DST: variants seen among roughly 807,000 people sequenced by gnomAD.
DST encodes the protein dystonin.
DST carries 253 observed loss-of-function variants against 875.2 expected under a neutral mutation model. The ratio of observed to expected loss-of-function variants is 0.29; its 90% confidence interval spans 0.26 to 0.32. DST has a LOEUF of 0.32. Ranked by LOEUF, DST falls within the 10% of genes least tolerant of loss-of-function variation. The probability of loss-of-function intolerance (pLI) is 1.00; values close to 1 mark genes in which losing one functional copy is unlikely to be tolerated. For synonymous variants in DST, 3,124 were observed against 3,197.1 expected (o/e 0.98, Z 0.77); for missense variants, 8,287 against 9,111.6 (o/e 0.91, Z 3.68).
intron 53 of DST, 54 bp from the exon 54 acceptor site, chr6:56,570,066 A>G: frequency 2.4e-6 from 3 of 1,241,624 alleles, no homozygotes; most frequent in Non-Finnish European, 3.4e-6. Context: ...GAATAAATAA[A>G]TTATTATTCT....
At chr6:56,564,612 A>C (rs374036758) in intron 55 of DST, among the ~76,000 whole-genome samples, 2 of 152,266 alleles carry the variant, frequency 1.3e-5, no homozygotes, top group African/African-American at 4.8e-5. Context: ...TACTATGCTG[A>C]ATAGGACTGG....
chr6:56,910,526 CCA>C (rs1798391341), intron 2 of DST, among the ~76,000 whole-genome samples: 1 of 151,400 alleles, frequency 6.6e-6, no homozygotes, highest in Non-Finnish European at 1.5e-5. Flanking sequence ...ACTCCAGCAC[CCA>C]GGCTGGAGTA....
chr6:56,543,542 A>T (rs1004615395), intron 61 of DST, among the ~76,000 whole-genome samples: 2 of 152,244 alleles, frequency 1.3e-5, no homozygotes, highest in Non-Finnish European at 2.9e-5. Flanking sequence ...ATACTGTTTG[A>T]AAATAAATTC....
At chr6:56,751,677 G>GA (rs2099587634) in intron 4 of DST, among the ~76,000 whole-genome samples, 1 of 152,066 alleles carries the variant, frequency 6.6e-6, no homozygotes, top group African/African-American at 2.4e-5. Flanking sequence ...ACCACCATGT[G>GA]GCCCATTACC....
intron 98 of DST, chr6:56,466,604 T>G (rs2094585534): frequency 6.5e-6 from 1 of 152,952 alleles, no homozygotes; most frequent in East Asian, 1.9e-4. Context: ...TTAATAAGCT[T>G]TGATTCTTCT....
intron 4 of DST, among the ~76,000 whole-genome samples, chr6:56,831,751 G>T (rs192221309): frequency 6.6e-6 from 1 of 151,740 alleles, no homozygotes; most frequent in Non-Finnish European, 1.5e-5. Flanking sequence ...TGCTTCTCCC[G>T]GTTCTAAATC....
At position 56,562,196 on chromosome 6, in the gene DST, T is replaced by C. The variant is rs2097545010; in HGVS notation, c.14010A>G (p.Gly4670=). 1 of 1,540,100 alleles carries C rather than the reference T, an allele frequency of 6.5e-7. No individual in the cohort carries two copies. Among genetic ancestry groups the C allele is most frequent in the East Asian group, 2.4e-5 (1 of 41,446 alleles). ...CTGTTCCTTCACCATTTAATACTGC[T>C]CCACCTGCAAAAATAGTAACACTAA... The part of the protein sequence containing the change: ...AKAIAAVKSG[G]AVLNGEGTAT... Residue 4670 remains glycine, a synonymous_variant, in exon 56 of 104, where the codon GGA becomes GGG. Transcript: ENST00000680361.
At chr6:56,742,714 C>G (rs2099551620) in intron 4 of DST, among the ~76,000 whole-genome samples, 1 of 152,102 alleles carries the variant, frequency 6.6e-6, no homozygotes, top group South Asian at 2.1e-4. Flanking sequence ...TCTTCTAACA[C>G]CCCAGGCAGA....
At chr6:56,901,972 T>G (rs556977000) in intron 2 of DST, among the ~76,000 whole-genome samples, 1 of 152,334 alleles carries the variant, frequency 6.6e-6, no homozygotes, top group East Asian at 1.9e-4. Flanking sequence ...GTTAAAGTAG[T>G]AGACTCTCAG....
chr6:56,523,770 A>T (rs2096747833), intron 69 of DST, among the ~76,000 whole-genome samples: 1 of 152,166 alleles, frequency 6.6e-6, no homozygotes, highest in East Asian at 1.9e-4. Context: ...TATAAATTTT[A>T]AAATTGTTAA....
In DST at chr6:56,515,559, G is replaced by A; in HGVS notation, c.18467C>T (p.Thr6156Ile). The change falls in exon 72 of 104, where the codon ACA (threonine) becomes ATA (isoleucine). Residue 6156 changes from threonine to isoleucine, a missense_variant. Physicochemically the swap from Thr to Ile is moderately conservative, Grantham distance 89. This residue lies in a region of DST where 1,292 missense variants were observed against 1,552.7 expected (regional missense o/e 0.83). Transcript: ENST00000680361. ...CAGCCATGGCCAAAGTTCTTCATATGTTTCCCAGAATTGGTTAACCAGGGA... is the reference window on the plus strand; with the variant it reads ...CAGCCATGGCCAAAGTTCTTCATATATTTCCCAGAATTGGTTAACCAGGGA... ...AQSLVNQFWE[T>I]YEELWPWLTE... The A allele has an allele frequency of 1.9e-6, 3 of 1,613,938 alleles. No homozygotes were observed. Among genetic ancestry groups the A allele is most frequent in the Non-Finnish European group, 2.5e-6 (3 of 1,179,840 alleles).
intron 49 of DST, among the ~76,000 whole-genome samples, chr6:56,579,291 A>C (rs1274111762): frequency 2.6e-5 from 4 of 152,210 alleles, no homozygotes; most frequent in African/African-American, 9.6e-5. Flanking sequence ...AACAAACAAC[A>C]ACCAAAATTT....
intron 4 of DST, among the ~76,000 whole-genome samples, chr6:56,813,710 C>G (rs1041190407): frequency 1.3e-5 from 2 of 152,120 alleles, no homozygotes; most frequent in African/African-American, 4.8e-5. Flanking sequence ...TGGATAATTG[C>G]TATAGCAAAG....
chr6:56,689,434 G>A (rs1345881950), intron 9 of DST, among the ~76,000 whole-genome samples: 2 of 152,152 alleles, frequency 1.3e-5, no homozygotes, highest in Non-Finnish European at 2.9e-5. Flanking sequence ...AAGCTAAGGT[G>A]ATGCTGATTC....
intron 4 of DST, among the ~76,000 whole-genome samples, chr6:56,783,764 ATTATGATG>A (rs2099699268): frequency 6.6e-6 from 1 of 152,160 alleles, no homozygotes; most frequent in Non-Finnish European, 1.5e-5. Flanking sequence ...TGATCCTGTC[ATTATGATG>A]TTAGCTGGTT....
intron 77 of DST, 93 bp downstream of exon 77, chr6:56,506,350 T>C (rs1489455278): frequency 3.1e-6 from 3 of 964,384 alleles, no homozygotes; most frequent in Non-Finnish European, 4.6e-6. Flanking sequence ...GCATATGCAC[T>C]GGCAGATCTT....
chr6:56,859,632 A>C (rs1167126019), intron 3 of DST, among the ~76,000 whole-genome samples: 1 of 152,226 alleles, frequency 6.6e-6, no homozygotes, highest in Non-Finnish European at 1.5e-5. Context: ...GAAAATACTT[A>C]ATCTTATATT....
intron 86 of DST, 109 bp downstream of exon 86, chr6:56,489,381 G>C (rs1302895853): frequency 1.6e-5 from 18 of 1,116,144 alleles, no homozygotes; most frequent in Non-Finnish European, 2.2e-5. Flanking sequence ...GTTCACACTG[G>C]ACCTACATTT....
chr6:56,837,884 G>A (rs2099795544), intron 4 of DST, among the ~76,000 whole-genome samples: 1 of 135,920 alleles, frequency 7.4e-6, no homozygotes, highest in Non-Finnish European at 1.7e-5. Context: ...AAGCAAGTCA[G>A]AAAACAAAAG....
Sources: gnomAD v4.1 joint callset for allele counts (sites outside exome capture counted in the v4.1 genomes callset) on GRCh38, gnomAD v4.1.1 for gene constraint, gnomAD v4.1.1 regional missense constraint, MANE v1.5 for transcripts, NCBI Gene and HGNC (gene_info 2026-07-23, HGNC 2026-07-21) for gene names.